The following MAPK8 variants were observed in gnomAD, a reference collection of about 807,000 sequenced individuals.
MAPK8 encodes the protein mitogen-activated protein kinase 8.
In MAPK8, 13 loss-of-function variants were observed where a neutral mutation model predicts 52.9. The observed-to-expected ratio is 0.25, with a 90% confidence interval of 0.16 to 0.39. The LOEUF is 0.39. Among genes scored for constraint, MAPK8 ranks in the 10% least tolerant of loss-of-function variants. The probability of loss-of-function intolerance (pLI) is 1.00; values close to 1 mark genes in which losing one functional copy is unlikely to be tolerated. For missense variants in MAPK8, 300 were observed against 519.2 expected, an observed-to-expected ratio of 0.58 and a Z score of 4.10; for synonymous variants, 191 against 169.8, an observed-to-expected ratio of 1.12 and a Z score of -0.97.
At chr10:48,337,998 G>A (rs1039181892) in intron 1 of MAPK8, among the ~76,000 whole-genome samples, 1 of 152,124 alleles carries the variant, frequency 6.6e-6, no homozygotes, top group African/African-American at 2.4e-5. Context: ...AGGATTCATA[G>A]CCAGATTTTA....
chr10:48,433,394 T>C (rs960514259), intron 11 of MAPK8, among the ~76,000 whole-genome samples: 1 of 152,264 alleles, frequency 6.6e-6, no homozygotes, highest in South Asian at 2.1e-4. Flanking sequence ...CATTGTGTAC[T>C]ATGTATGGTA....
At chr10:48,364,224 C>T (rs964752310) in intron 1 of MAPK8, among the ~76,000 whole-genome samples, 1 of 152,112 alleles carries the variant, frequency 6.6e-6, no homozygotes, top group Non-Finnish European at 1.5e-5. Context: ...ATATTTTCAT[C>T]AGCAGGGAGC....
rs1465806494 is a variant in MAPK8 at position 48,438,863 on chromosome 10, C to T, written c.*3834C>T. 1.3e-5 allele frequency: 2 copies of T among 152,120 alleles called. No individual in the cohort carries two copies. Among genetic ancestry groups the T allele is most frequent in the Non-Finnish European group, 2.9e-5 (2 of 68,020 alleles). The allele number at this position is 152,120 out of a possible 1,614,324, so 9.4% of individuals were successfully genotyped here. A position where few individuals can be genotyped will look rare whatever the true frequency, so the allele number is the denominator to read the frequency against. On this transcript the variant is annotated 3_prime_UTR_variant, in exon 12 of 12. Coordinates refer to ENST00000374189, the MANE Select transcript of MAPK8 (RefSeq NM_001323329.2). ...CTGTTTTTGTAAGTAGAAACCTGCT[C>T]GTGATATCGGTCCATTTACATTTTA... is the stretch of plus-strand genomic sequence containing the variant.
intron 3 of MAPK8, among the ~76,000 whole-genome samples, chr10:48,407,259 A>G (rs1166955150): frequency 6.6e-6 from 1 of 152,202 alleles, no homozygotes; most frequent in Non-Finnish European, 1.5e-5. Context: ...GTGTCTAACT[A>G]TCACAGTTAT....
intron 1 of MAPK8, among the ~76,000 whole-genome samples, chr10:48,399,954 A>G (rs1248027036): frequency 1.3e-5 from 2 of 152,316 alleles, no homozygotes; most frequent in East Asian, 3.9e-4. Flanking sequence ...TCCCCCGCTG[A>G]CCCAGTTTCC....
intron 1 of MAPK8, among the ~76,000 whole-genome samples, chr10:48,324,146 A>G (rs1487677675): frequency 6.6e-6 from 1 of 152,200 alleles, no homozygotes; most frequent in Non-Finnish European, 1.5e-5. Flanking sequence ...TGTCTCTCCT[A>G]AAAGTAAACA....
chr10:48,406,977 C>G (rs528000616), intron 3 of MAPK8, among the ~76,000 whole-genome samples: 1 of 152,328 alleles, frequency 6.6e-6, no homozygotes, highest in Admixed American at 6.5e-5. Flanking sequence ...TTCTTTGTTA[C>G]AGGCCTGCCT....
chr10:48,331,598 G>A (rs990686213), intron 1 of MAPK8, among the ~76,000 whole-genome samples: 9 of 152,190 alleles, frequency 5.9e-5, no homozygotes, highest in African/African-American at 2.2e-4. Flanking sequence ...CCCAGCTTGG[G>A]TGGAGCTTGT....
At position 48,401,738 on chromosome 10, in the gene MAPK8, T is replaced by C. The variant is rs1318665915; in HGVS notation, c.78T>C (p.Tyr26=). 3.2e-6 allele frequency: 5 copies of C among 1,577,214 alleles called. No individual in the cohort carries two copies. The highest frequency in any genetic ancestry group is 2.4e-5 in the East Asian group (1 of 42,220). ...CTACATTCACAGTCCTGAAACGATA[T>C]CAGAATTTAAAACCTATAGGCTCAG... is the stretch of plus-strand genomic sequence containing the variant. ...GDSTFTVLKR[Y]QNLKPIGSGA... is the part of the protein sequence containing the mutation. The change falls in exon 2 of 12, where the codon TAT becomes TAC. Residue 26 remains tyrosine (Y), a synonymous_variant. Coordinates refer to ENST00000374189, the MANE Select transcript of MAPK8 (RefSeq NM_001323329.2).
At chr10:48,423,760 C>T (rs1017190544) in intron 6 of MAPK8, among the ~76,000 whole-genome samples, 3 of 151,954 alleles carry the variant, frequency 2.0e-5, no homozygotes, top group Non-Finnish European at 4.4e-5. Flanking sequence ...TTTTTATTTA[C>T]AAAGTTTGTG....
chr10:48,436,969 GATT>G lies in MAPK8; in HGVS notation c.*1943_*1945del, dbSNP rs2044898464. 3 of 152,304 alleles carry G rather than the reference GATT, an allele frequency of 2.0e-5. No individual in the cohort carries two copies. The highest frequency in any genetic ancestry group is 2.1e-4 in the South Asian group (1 of 4,826). 9.4% of individuals were successfully genotyped at this position (152,304 alleles called of 1,614,324 possible). On this transcript the variant is annotated 3_prime_UTR_variant, in exon 12 of 12. Transcript: ENST00000374189. Reference sequence around the variant, plus strand: ...AATTAGCTGTATTTTCTGTAGCATAGATTATGTCACTGTTGCACTTTCACAGCA... The same window carrying G: ...AATTAGCTGTATTTTCTGTAGCATAGATGTCACTGTTGCACTTTCACAGCA...
At chr10:48,411,951 T>C (rs1488857118) in intron 5 of MAPK8, among the ~76,000 whole-genome samples, 2 of 150,240 alleles carry the variant, frequency 1.3e-5, no homozygotes, top group Non-Finnish European at 3.0e-5. Flanking sequence ...TTCAAACAAT[T>C]CTCCTGCCGC....
intron 1 of MAPK8, among the ~76,000 whole-genome samples, chr10:48,314,769 T>A (rs17010208): frequency 0.046 from 6,942 of 152,306 alleles, 179 homozygotes; most frequent in African/African-American, 0.072. Flanking sequence ...TATTGCTTTG[T>A]TGCTCATTTT....
In MAPK8 at chr10:48,404,999, G is replaced by T; in HGVS notation, c.252+18G>T. 6.4e-7 allele frequency: 1 copy of T among 1,571,990 alleles called. No homozygotes were observed. The highest frequency in any genetic ancestry group is 8.7e-7 in the Non-Finnish European group (1 of 1,154,198). ...ACAAAAATGTAAGTGAACATTTTTG[G>T]TTTCCTAAGTATAGATGAAATCAAG... On this transcript the variant is annotated intron_variant, in intron 3 of 11. Coordinates refer to ENST00000374189, the MANE Select transcript of MAPK8 (RefSeq NM_001323329.2).
intron 1 of MAPK8, among the ~76,000 whole-genome samples, chr10:48,312,267 T>A (rs1374390563): frequency 6.6e-6 from 1 of 152,146 alleles, no homozygotes; most frequent in Non-Finnish European, 1.5e-5. Flanking sequence ...CAACAGGGTA[T>A]CAAAATAAGT....
intron 3 of MAPK8, among the ~76,000 whole-genome samples, chr10:48,407,261 C>G (rs137931140): frequency 6.4e-4 from 98 of 152,260 alleles, no homozygotes; most frequent in South Asian, 5.0e-3. Context: ...GTCTAACTAT[C>G]ACAGTTATCC....
chr10:48,352,948 C>G (rs1846479381), intron 1 of MAPK8, among the ~76,000 whole-genome samples: 1 of 152,116 alleles, frequency 6.6e-6, no homozygotes, highest in Non-Finnish European at 1.5e-5. Flanking sequence ...TTTCTCTACA[C>G]TAGCAATGAA....
intron 5 of MAPK8, 84 bp downstream of exon 5, chr10:48,410,252 C>A: frequency 8.3e-7 from 1 of 1,198,936 alleles, no homozygotes. Context: ...TCTAAAGTGG[C>A]ATTTTTAGTA....
intron 1 of MAPK8, among the ~76,000 whole-genome samples, chr10:48,309,163 T>C (rs752982025): frequency 3.3e-5 from 5 of 152,186 alleles, no homozygotes; most frequent in Non-Finnish European, 7.4e-5. Context: ...TTTTCCAAAT[T>C]GTTGGTTTTT....
Sources: gnomAD v4.1 joint callset for allele counts (sites outside exome capture counted in the v4.1 genomes callset) on GRCh38, gnomAD v4.1.1 for gene constraint, MANE v1.5 for transcripts, NCBI Gene and HGNC (gene_info 2026-07-23, HGNC 2026-07-21) for gene names.